Variants in IFT81 observed in about 807,000 individuals in gnomAD.
The protein encoded by IFT81 is intraflagellar transport 81.
In IFT81, 72 loss-of-function variants were observed where a neutral mutation model predicts 102.6. That is an observed-to-expected ratio of 0.70 (90% CI 0.58 to 0.85). The LOEUF is 0.85. Among genes scored for constraint, IFT81 ranks in the 40% least tolerant of loss-of-function variants. The pLI is 0.00. For synonymous variants in IFT81, 237 were observed against 242.7 expected (o/e 0.98, Z 0.22); for missense variants, 723 against 787.3 (o/e 0.92, Z 0.98).
intron 8 of IFT81, among the ~76,000 whole-genome samples, chr12:110,141,360 TTTCTC>T (rs200217572): frequency 0.016 from 2,442 of 152,238 alleles, 28 homozygotes; most frequent in South Asian, 0.048. Context: ...TATTAAACAC[TTTCTC>T]TTCTCTTCCT....
intron 18 of IFT81, chr12:110,216,873 T>C: frequency 6.9e-6 from 2 of 291,776 alleles, no homozygotes; most frequent in South Asian, 5.9e-5. Context: ...AGTATTAGGT[T>C]TTAGTATATA....
chr12:110,173,806 T>C (rs1376599870), intron 11 of IFT81, among the ~76,000 whole-genome samples: 1 of 151,994 alleles, frequency 6.6e-6, no homozygotes, highest in Non-Finnish European at 1.5e-5. Context: ...TAATCTCAAG[T>C]ACCCAGGGAC....
chr12:110,186,229 A>G (rs553194044), intron 12 of IFT81, among the ~76,000 whole-genome samples: 19 of 148,428 alleles, frequency 1.3e-4, no homozygotes, highest in African/African-American at 4.2e-4. Context: ...CATAACATCA[A>G]CTGTACATCT....
intron 10 of IFT81, among the ~76,000 whole-genome samples, chr12:110,158,805 G>T (rs1322287913): frequency 2.0e-5 from 3 of 151,278 alleles, no homozygotes; most frequent in Non-Finnish European, 2.9e-5. Context: ...AGCCAGGATG[G>T]TCTCGATCTC....
At chr12:110,129,157 AAACTGT>A in intron 4 of IFT81, 27 bp downstream of exon 4, 3 of 1,496,764 alleles carry the variant, frequency 2.0e-6, no homozygotes, top group Non-Finnish European at 2.7e-6. Context: ...TGGTACATTG[AAACTGT>A]AATGGATTTC....
chr12:110,135,493 T>C, intron 7 of IFT81, 56 bp downstream of exon 7: 1 of 1,016,786 alleles, frequency 9.8e-7, no homozygotes, highest in Non-Finnish European at 1.5e-6. Flanking sequence ...CTTCTCATAA[T>C]CCAAATGTAA....
chr12:110,165,806 T>C (rs1896406564), intron 11 of IFT81, among the ~76,000 whole-genome samples: 1 of 152,150 alleles, frequency 6.6e-6, no homozygotes, highest in African/African-American at 2.4e-5. Flanking sequence ...ATCTGTAAAA[T>C]GGGGCTGATT....
chr12:110,203,022 T>C (rs998315002), intron 14 of IFT81, among the ~76,000 whole-genome samples: 1 of 152,008 alleles, frequency 6.6e-6, no homozygotes, highest in Non-Finnish European at 1.5e-5. Context: ...TCCCAGCACT[T>C]TGGGAGGCCG....
chr12:110,179,769 T>C (rs761836565), intron 11 of IFT81, among the ~76,000 whole-genome samples: 20,567 of 64,786 alleles, frequency 0.32, 3,747 homozygotes, highest in African/African-American at 0.53. Flanking sequence ...TATATATATA[T>C]ATATACACAC....
intron 9 of IFT81, among the ~76,000 whole-genome samples, chr12:110,144,546 T>C (rs1895086514): frequency 6.6e-6 from 1 of 150,906 alleles, no homozygotes; most frequent in Admixed American, 6.6e-5. Flanking sequence ...AGTCTTGCTC[T>C]GTTGCCTAGA....
intron 12 of IFT81, among the ~76,000 whole-genome samples, chr12:110,183,662 A>G (rs1035815560): frequency 6.6e-6 from 1 of 152,158 alleles, no homozygotes; most frequent in African/African-American, 2.4e-5. Flanking sequence ...TGAAAAGATC[A>G]TTATACTTAG....
At chr12:110,206,260 A>G (rs1868609861) in intron 17 of IFT81, among the ~76,000 whole-genome samples, 1 of 152,126 alleles carries the variant, frequency 6.6e-6, no homozygotes, top group Non-Finnish European at 1.5e-5. Context: ...CTTAGTCCTT[A>G]TATGGTGCTT....
chr12:110,133,191 T>C (rs1479724867), intron 5 of IFT81, among the ~76,000 whole-genome samples: 1 of 152,026 alleles, frequency 6.6e-6, no homozygotes, highest in Non-Finnish European at 1.5e-5. Flanking sequence ...GGGTTGGTCT[T>C]GACCTCCTGG....
At chr12:110,144,935 A>G (rs1335278138) in intron 9 of IFT81, among the ~76,000 whole-genome samples, 1 of 137,858 alleles carries the variant, frequency 7.3e-6, no homozygotes, top group African/African-American at 2.8e-5. Context: ...GCACAATCTC[A>G]GCTCACTGCA....
chr12:110,214,605 C>T (rs1869856789), intron 18 of IFT81, among the ~76,000 whole-genome samples: 1 of 152,116 alleles, frequency 6.6e-6, no homozygotes, highest in Admixed American at 6.5e-5. Flanking sequence ...CAACTGTAAA[C>T]AAATGTAAAT....
intron 14 of IFT81, among the ~76,000 whole-genome samples, chr12:110,193,606 T>C (rs553984533): frequency 2.0e-5 from 3 of 152,346 alleles, no homozygotes; most frequent in Admixed American, 6.5e-5. Context: ...TTTTTAATAC[T>C]ATATTTTTAA....
intron 9 of IFT81, among the ~76,000 whole-genome samples, chr12:110,145,059 G>T (rs1895137412): frequency 7.3e-6 from 1 of 136,462 alleles, no homozygotes; most frequent in Non-Finnish European, 1.6e-5. Flanking sequence ...TTTACACGGA[G>T]TCTCACACTG....
rs1897212043 is a variant in IFT81 at position 110,179,731 on chromosome 12, T to TAC, written c.1189-690_1189-689insCA. On this transcript the variant is annotated intron_variant, in intron 11 of 18. Transcript: ENST00000242591. Reference sequence around the variant, plus strand: ...GCAAACCCTATCTCGAAATTATATATATATATATATATATATATATATATA... The same window carrying TAC: ...GCAAACCCTATCTCGAAATTATATATACATATATATATATATATATATATATA... 1.9e-4 allele frequency among the ~76,000 whole-genome samples: 3 copies of TAC among 16,130 alleles called. 1 individual carries two copies. Among genetic ancestry groups the TAC allele is most frequent in the South Asian group, 4.1e-3 (2 of 492 alleles). 10.6% of individuals were successfully genotyped at this position (16,130 alleles called of 152,430 possible).
intron 10 of IFT81, among the ~76,000 whole-genome samples, chr12:110,151,193 C>A (rs1895506064): frequency 6.6e-6 from 1 of 152,100 alleles, no homozygotes; most frequent in African/African-American, 2.4e-5. Context: ...TCCCCTAAAC[C>A]CCCAATTTCA....
Sources: allele counts gnomAD v4.1 joint callset (sites outside exome capture counted in the v4.1 genomes callset), GRCh38; gene constraint gnomAD v4.1.1; transcripts MANE v1.5; gene names NCBI Gene and HGNC (gene_info 2026-07-23, HGNC 2026-07-21).